The following MED15 variants were observed in gnomAD, a reference collection of about 807,000 sequenced individuals.
The protein encoded by MED15 is mediator of RNA polymerase II transcription subunit 15.
A neutral mutation model predicts 118.7 loss-of-function variants in MED15; 41 were observed. That is an observed-to-expected ratio of 0.35 (90% confidence interval 0.27 to 0.45). The LOEUF is 0.45. Ranked by LOEUF, MED15 falls within the 20% of genes least tolerant of loss-of-function variation. The pLI is 1.00. For synonymous variants in MED15, 436 were observed against 413.9 expected, an observed-to-expected ratio of 1.05 and a Z score of -0.65; for missense variants, 740 against 1,025.5, an observed-to-expected ratio of 0.72 and a Z score of 3.80.
At chr22:20,533,454 CCA>C (rs1339603496) in intron 1 of MED15, among the ~76,000 whole-genome samples, 1 of 152,204 alleles carries the variant, frequency 6.6e-6, no homozygotes, top group Non-Finnish European at 1.5e-5. Context: ...AACTGCAAAA[CCA>C]CACAGGGTCT....
chr22:20,526,143 A>G (rs1398589429), intron 1 of MED15, among the ~76,000 whole-genome samples: 1 of 151,996 alleles, frequency 6.6e-6, no homozygotes, highest in African/African-American at 2.4e-5. Flanking sequence ...CCAATCTTGA[A>G]TCTTGAATTC....
intron 2 of MED15, among the ~76,000 whole-genome samples, chr22:20,549,786 G>A (rs5751024): frequency 6.6e-6 from 1 of 152,178 alleles, no homozygotes; most frequent in African/African-American, 2.4e-5. Context: ...CAGTGGCTGC[G>A]CCTACTGTGG....
Position 20,586,672 on chromosome 22 carries a change from A to G in MED15, c.2335A>G (p.Ser779Gly). ...CGCCTTGCTCAACACCTGGGCCCAG[A>G]GCGTCCACCAGGCCTGCCTCTCAGC... ...VTALLNTWAQ[S>G]VHQACLSAA is the part of the protein sequence containing the mutation. The change falls in exon 18 of 18, where the codon AGC becomes GGC. Residue 779 changes from serine (S) to glycine (G), a missense_variant. Ser to Gly is a moderately conservative substitution (Grantham distance 56, BLOSUM62 0). Transcript: ENST00000263205. The G allele has an allele frequency of 6.2e-7, 1 of 1,612,778 alleles. No individual in the cohort carries two copies. The highest frequency in any genetic ancestry group is 8.5e-7 in the Non-Finnish European group (1 of 1,179,950).
In MED15 at chr22:20,582,611, G is replaced by A; in HGVS notation, c.1273G>A (p.Val425Ile). Residue 425 changes from valine to isoleucine, a missense_variant and splice_region_variant, in exon 10 of 18, where the codon GTC becomes ATC. Around this residue, in one of 7 missense-constraint regions of MED15, gnomAD observed 384 missense variants for 506.3 expected, o/e 0.76. Coordinates refer to ENST00000263205, the MANE Select transcript of MED15 (RefSeq NM_001003891.3). ...IPLGRQPMAQ[V>I]SQSSLPMLSS... ...GCCGGCTGAGCCCCTCCACTTCCAG[G>A]TCAGCCAGAGCAGCCTCCCCATGCT... The A allele has an allele frequency of 6.5e-7, 1 of 1,549,374 alleles. No homozygotes were observed. The highest frequency in any genetic ancestry group is 8.7e-7 in the Non-Finnish European group (1 of 1,153,436).
At chr22:20,533,478 C>T (rs2054933926) in intron 1 of MED15, among the ~76,000 whole-genome samples, 1 of 152,222 alleles carries the variant, frequency 6.6e-6, no homozygotes, top group African/African-American at 2.4e-5. Flanking sequence ...TTACTGGCCA[C>T]CAAACCTGCT....
chr22:20,551,749 C>G (rs1391023445), intron 3 of MED15: 8 of 532,932 alleles, frequency 1.5e-5, no homozygotes, highest in Admixed American at 3.3e-5. Context: ...TGCTGCTTCA[C>G]TTGCTCACTT....
chr22:20,582,290 G>C, intron 9 of MED15: 2 of 456,186 alleles, frequency 4.4e-6, no homozygotes, highest in Non-Finnish European at 7.9e-6. Context: ...GCTAGTGCCA[G>C]CCAAGGGCAT....
chr22:20,547,333 G>C (rs16988501), intron 2 of MED15, among the ~76,000 whole-genome samples: 13 of 152,120 alleles, frequency 8.5e-5, no homozygotes, highest in Non-Finnish European at 1.5e-4. Context: ...TTAATATTCA[G>C]CTCATTTGTT....
At chr22:20,509,750 G>A (rs2053998972) in intron 1 of MED15, among the ~76,000 whole-genome samples, 1 of 152,144 alleles carries the variant, frequency 6.6e-6, no homozygotes, top group Admixed American at 6.6e-5. Context: ...AGTGAACAGT[G>A]TTTTACTGAT....
At chr22:20,564,410 C>G in intron 5 of MED15, 40 bp from the exon 6 acceptor site, 2 of 1,609,444 alleles carry the variant, frequency 1.2e-6, no homozygotes, top group South Asian at 2.2e-5. Context: ...TTCTGGGAAT[C>G]TGCCCTGTGG....
At chr22:20,516,935 A>G (rs1365616005) in intron 1 of MED15, among the ~76,000 whole-genome samples, 2 of 152,028 alleles carry the variant, frequency 1.3e-5, no homozygotes, top group Admixed American at 6.6e-5. Context: ...CCACACAATT[A>G]TTATTACTAT....
In MED15 at chr22:20,582,533, T is replaced by C. The variant is rs111672536; in HGVS notation, c.1273-78T>C. ...GAGGCTGTGCGGGAGGATGGGCCTA[T>C]GCGTGCGGTGGGCAGGTGGTGTGGA... On this transcript the variant is annotated intron_variant, in intron 9 of 17. Coordinates refer to ENST00000263205, the MANE Select transcript of MED15 (RefSeq NM_001003891.3). The C allele has an allele frequency of 5.9e-3, 9,022 of 1,531,848 alleles. 405 individuals carry two copies. In the African/African-American group the frequency reaches 0.11, roughly 18 times the overall value. 94.9% of individuals were successfully genotyped at this position (1,531,848 alleles called of 1,614,324 possible).
chr22:20,555,223 T>C (rs932337067), intron 5 of MED15, 75 bp downstream of exon 5: 4 of 1,379,426 alleles, frequency 2.9e-6, no homozygotes, highest in Non-Finnish European at 2.0e-6. Flanking sequence ...GTGCTTATGA[T>C]GGTATCAAGA....
At position 20,519,401 on chromosome 22, in the gene MED15, T is replaced by G. The variant is rs146876776; in HGVS notation, c.68+11655T>G. The stretch of plus-strand genomic sequence containing the variant: ...GAGTCCTTGGAGAAGATGCTTTACC[T>G]TCTTTCCAAGCCCCATGTCTCCTTA... On this transcript the variant is annotated intron_variant, in intron 1 of 17. Coordinates refer to ENST00000263205, the MANE Select transcript of MED15 (RefSeq NM_001003891.3). 2.7e-3 allele frequency among the ~76,000 whole-genome samples: 404 copies of G among 152,166 alleles called. 2 individuals are homozygous for G. The highest frequency in any genetic ancestry group is 9.1e-3 in the African/African-American group (376 of 41,502).
chr22:20,529,574 C>T (rs2054780986), intron 1 of MED15, among the ~76,000 whole-genome samples: 1 of 152,082 alleles, frequency 6.6e-6, no homozygotes, highest in Non-Finnish European at 1.5e-5. Context: ...ATAATGCACG[C>T]CACCATGCCT....
intron 11 of MED15, 21 bp from the exon 12 acceptor site, chr22:20,583,092 T>C: frequency 1.3e-6 from 2 of 1,566,420 alleles, no homozygotes; most frequent in Non-Finnish European, 8.6e-7. Context: ...GGCTGTGGCC[T>C]CACCCGCCTG....
In MED15 at chr22:20,582,622, C is replaced by T; in HGVS notation, c.1284C>T (p.Ser428=). Residue 428 remains serine (S), a synonymous_variant, in exon 10 of 18, where the codon AGC becomes AGT. Transcript: ENST00000263205. ...CCCTCCACTTCCAGGTCAGCCAGAG[C>T]AGCCTCCCCATGCTGTCCTCGCCGT... is the stretch of plus-strand genomic sequence containing the variant. ...GRQPMAQVSQ[S]SLPMLSSPSP... is the part of the protein sequence containing the mutation. The T allele has an allele frequency of 6.4e-7, 1 of 1,559,196 alleles. No individual in the cohort carries two copies.
intron 1 of MED15, among the ~76,000 whole-genome samples, chr22:20,521,662 C>T (rs2054464626): frequency 6.6e-6 from 1 of 151,482 alleles, no homozygotes; most frequent in African/African-American, 2.4e-5. Context: ...TCCCAAAATG[C>T]TGGGATTACA....
intron 8 of MED15, among the ~76,000 whole-genome samples, chr22:20,569,305 C>T (rs771187623): frequency 2.6e-5 from 4 of 152,158 alleles, no homozygotes; most frequent in African/African-American, 9.7e-5. Flanking sequence ...TGTGGGGAGA[C>T]GTACAGTCTG....
Sources: gnomAD v4.1 joint callset for allele counts (sites outside exome capture counted in the v4.1 genomes callset) on GRCh38, gnomAD v4.1.1 for gene constraint, gnomAD v4.1.1 regional missense constraint, MANE v1.5 for transcripts, NCBI Gene and HGNC (gene_info 2026-07-23, HGNC 2026-07-21) for gene names.